Variants in TMEM131 observed in about 807,000 individuals in gnomAD.
The protein encoded by TMEM131 is 2610524E03Rik.
A neutral mutation model predicts 211.6 loss-of-function variants in TMEM131; 66 were observed. That is an observed-to-expected ratio of 0.31 (90% CI 0.26 to 0.38). The LOEUF is 0.38. TMEM131 is among the 10% of genes least tolerant of loss of function. The pLI is 1.00. For missense variants in TMEM131, 2,036 were observed against 2,299.3 expected, an observed-to-expected ratio of 0.89 and a Z score of 2.34; for synonymous variants, 844 against 841.3, an observed-to-expected ratio of 1.00 and a Z score of -0.06.
Position 97,793,487 on chromosome 2 carries a change from T to C in TMEM131, c.3453A>G (p.Arg1151=), listed in dbSNP as rs201088787. The C allele has an allele frequency of 7.1e-5, 115 of 1,613,854 alleles. No homozygotes were observed. Among genetic ancestry groups the C allele is most frequent in the Non-Finnish European group, 1.3e-5 (15 of 1,179,894 alleles). Residue 1151 remains arginine (R), a synonymous_variant, in exon 30 of 41, where the codon CGA becomes CGG. Transcript: ENST00000186436. The stretch of plus-strand genomic sequence containing the variant: ...TCGAGGCCTCAAAGGATAGCCGCCT[T>C]CGAAATGGCTCCCATATTCCTTGAG... ...LEAQGIWEPF[R]RRLSFEASNP...
intron 3 of TMEM131, among the ~76,000 whole-genome samples, chr2:97,896,562 T>A (rs1370244274): frequency 2.0e-5 from 3 of 152,180 alleles, no homozygotes; most frequent in African/African-American, 2.4e-5. Context: ...GGTGCATATA[T>A]ATTTAGGATA....
At chr2:97,892,669 T>C (rs562489670) in intron 3 of TMEM131, among the ~76,000 whole-genome samples, 1 of 152,360 alleles carries the variant, frequency 6.6e-6, no homozygotes, top group South Asian at 2.1e-4. Context: ...GGCCTCATTT[T>C]TTCTTTTATG....
chr2:97,773,153 T>C (rs1455809936), intron 32 of TMEM131, among the ~76,000 whole-genome samples: 1 of 152,186 alleles, frequency 6.6e-6, no homozygotes, highest in African/African-American at 2.4e-5. Context: ...AAGAGAGCAG[T>C]GCGGCAGCCA....
At chr2:97,897,709 A>G (rs887297511) in intron 3 of TMEM131, among the ~76,000 whole-genome samples, 3 of 152,078 alleles carry the variant, frequency 2.0e-5, no homozygotes, top group Non-Finnish European at 4.4e-5. Flanking sequence ...AGCTTTCTTT[A>G]ATGCCTGCAA....
At chr2:97,992,798 T>G (rs1201060023) in intron 1 of TMEM131, among the ~76,000 whole-genome samples, 1 of 152,228 alleles carries the variant, frequency 6.6e-6, no homozygotes, top group Admixed American at 6.5e-5. Flanking sequence ...ATTCTCAGTA[T>G]CTAGATGTTA....
chr2:97,790,541 CT>C (rs1402138016), intron 31 of TMEM131, among the ~76,000 whole-genome samples: 1 of 152,166 alleles, frequency 6.6e-6, no homozygotes, highest in Non-Finnish European at 1.5e-5. Flanking sequence ...AATTTAGGTT[CT>C]CAATGAGTGA....
intron 1 of TMEM131, among the ~76,000 whole-genome samples, chr2:97,973,067 G>C (rs1170570035): frequency 1.3e-5 from 2 of 152,150 alleles, no homozygotes; most frequent in Non-Finnish European, 2.9e-5. Context: ...AAATAATAAA[G>C]TTGTGTTGTT....
At chr2:97,795,200 GA>G (rs1048290837) in intron 28 of TMEM131, 85 bp from the exon 29 acceptor site, 2 of 933,312 alleles carry the variant, frequency 2.1e-6, no homozygotes, top group African/African-American at 3.3e-5. Context: ...ATAAGCCTTT[GA>G]AATATAACAC....
Position 97,802,413 on chromosome 2 carries a change from C to A in TMEM131, c.2651+15G>T. ...ACTACATAGAAACACTGTGATGATC[C>A]CAAGCAATACTTACCTTGATACTAA... On this transcript the variant is annotated intron_variant, in intron 24 of 40. Transcript: ENST00000186436. The A allele has an allele frequency of 6.4e-7, 1 of 1,551,150 alleles. No homozygotes were observed. The highest frequency in any genetic ancestry group is 8.8e-7 in the Non-Finnish European group (1 of 1,138,366).
At chr2:97,919,526 GTCTC>G (rs1001698854) in intron 2 of TMEM131, among the ~76,000 whole-genome samples, 1 of 152,120 alleles carries the variant, frequency 6.6e-6, no homozygotes, top group African/African-American at 2.4e-5. Flanking sequence ...TTCTTTGAAG[GTCTC>G]TCTTTTTCTC....
intron 35 of TMEM131, chr2:97,764,373 A>C (rs1398192987): frequency 6.6e-6 from 1 of 152,226 alleles, no homozygotes; most frequent in Non-Finnish European, 1.5e-5. Context: ...AGCATGTGGG[A>C]CCGACTCTTC....
chr2:97,995,043 T>A (rs1191177195), intron 1 of TMEM131, among the ~76,000 whole-genome samples: 2 of 152,234 alleles, frequency 1.3e-5, no homozygotes, highest in East Asian at 3.8e-4. Context: ...CGAAGAAATG[T>A]CTGAACAAAT....
intron 3 of TMEM131, among the ~76,000 whole-genome samples, chr2:97,907,503 C>G (rs1299166361): frequency 9.2e-5 from 14 of 152,094 alleles, no homozygotes; most frequent in Admixed American, 3.3e-4. Flanking sequence ...CATAGATGTA[C>G]TTTAAACATG....
At chr2:97,759,448 C>A (rs1218022212) in intron 39 of TMEM131, 2 of 575,978 alleles carry the variant, frequency 3.5e-6, no homozygotes, top group East Asian at 2.9e-5. Context: ...TGTGCGCACA[C>A]CGTGTCGAGC....
chr2:97,775,835 G>A lies in TMEM131; in HGVS notation c.4320+8C>T. 1 of 1,611,992 alleles carries A rather than the reference G, an allele frequency of 6.2e-7. No individual in the cohort carries two copies. On this transcript the variant is annotated splice_region_variant and intron_variant, in intron 32 of 40. Transcript: ENST00000186436. ...CCTCGTGTTTTGTTGTGTGAGATCA[G>A]CCCGTACCTCCTTGAGGAGCGGTTC...
intron 31 of TMEM131, among the ~76,000 whole-genome samples, chr2:97,789,779 G>C (rs1680414330): frequency 6.6e-6 from 1 of 152,184 alleles, no homozygotes; most frequent in South Asian, 2.1e-4. Flanking sequence ...TGGGGTTTAA[G>C]TGTTAGAGGG....
intron 4 of TMEM131, among the ~76,000 whole-genome samples, chr2:97,867,547 T>C (rs1369286141): frequency 6.6e-6 from 1 of 152,190 alleles, no homozygotes; most frequent in African/African-American, 2.4e-5. Context: ...GAAGGGGTGG[T>C]AGACCCTGGT....
Position 97,812,475 on chromosome 2 carries a change from T to C in TMEM131, c.1809A>G (p.Thr603=), listed in dbSNP as rs1320138943. Residue 603 remains threonine (T), a synonymous_variant, in exon 17 of 41, where the codon ACA becomes ACG. Transcript: ENST00000186436. ...LVAVERGNRT[T]IISSLPEFEK... is the part of the protein sequence containing the mutation. ...CAAACTCTGGCAGGCTTGAAATTAT[T>C]GTAGTTCTATTGCCTCTTTCCACAG... 1.2e-6 allele frequency: 2 copies of C among 1,613,338 alleles called. No homozygotes were observed. The highest frequency in any genetic ancestry group is 3.3e-5 in the Admixed American group (2 of 59,924).
chr2:97,979,094 G>A (rs1347276267), intron 1 of TMEM131, among the ~76,000 whole-genome samples: 1 of 152,162 alleles, frequency 6.6e-6, no homozygotes, highest in Admixed American at 6.5e-5. Context: ...GTAATATTTG[G>A]AAAGTAATAT....
Sources: allele counts gnomAD v4.1 joint callset (sites outside exome capture counted in the v4.1 genomes callset), GRCh38; gene constraint gnomAD v4.1.1; transcripts MANE v1.5; gene names NCBI Gene and HGNC (gene_info 2026-07-23, HGNC 2026-07-21).